GNG2: variants seen among roughly 807,000 people sequenced by gnomAD.
The protein encoded by GNG2 is G protein subunit gamma 2, also known as guanine nucleotide-binding protein G(I)/G(S)/G(O) subunit gamma-2.
In GNG2, 5 loss-of-function variants were observed where a neutral mutation model predicts 5.5. The ratio of observed to expected loss-of-function variants is 0.91; its 90% CI spans 0.48 to 1.92. GNG2 has a LOEUF of 1.92. Ranked by LOEUF, GNG2 falls within the 30% of genes most tolerant of loss-of-function variation. The probability of loss-of-function intolerance (pLI) is 0.01; values close to 1 mark genes in which losing one functional copy is unlikely to be tolerated. For missense variants in GNG2, 55 were observed against 88.4 expected (o/e 0.62, Z 1.52); for synonymous variants, 28 against 32.0 (o/e 0.88, Z 0.42).
intron 3 of GNG2, among the ~76,000 whole-genome samples, chr14:51,964,758 T>C (rs924278920): frequency 3.3e-5 from 5 of 152,150 alleles, no homozygotes; most frequent in Non-Finnish European, 7.3e-5. Flanking sequence ...ACACCTGTAA[T>C]CCCAGGACTC....
intron 3 of GNG2, among the ~76,000 whole-genome samples, chr14:51,958,689 C>T (rs1410200373): frequency 6.6e-6 from 1 of 152,158 alleles, no homozygotes; most frequent in Non-Finnish European, 1.5e-5. Context: ...CTTGCACATT[C>T]ATTCAGGTTC....
intron 2 of GNG2, among the ~76,000 whole-genome samples, chr14:51,930,238 C>T (rs995063076): frequency 6.6e-5 from 10 of 152,130 alleles, no homozygotes; most frequent in African/African-American, 2.4e-4. Context: ...TTGCTTTATT[C>T]CAGTGACAAA....
intron 2 of GNG2, among the ~76,000 whole-genome samples, chr14:51,928,864 C>T (rs1177437948): frequency 4.6e-5 from 7 of 152,030 alleles, no homozygotes; most frequent in Admixed American, 3.3e-4. Flanking sequence ...TGAGCCACCG[C>T]GCCTGGCCGG....
intron 2 of GNG2, among the ~76,000 whole-genome samples, chr14:51,886,513 C>T (rs1021734931): frequency 1.3e-5 from 2 of 152,134 alleles, no homozygotes; most frequent in Admixed American, 6.5e-5. Flanking sequence ...AATTGGCATC[C>T]TCAAACTGGT....
chr14:51,941,108 T>C (rs1888295526), intron 2 of GNG2, among the ~76,000 whole-genome samples: 1 of 152,110 alleles, frequency 6.6e-6, no homozygotes, highest in African/African-American at 2.4e-5. Flanking sequence ...GTATATATAA[T>C]ATCAATTTGA....
intron 1 of GNG2, among the ~76,000 whole-genome samples, chr14:51,863,665 C>T (rs1301822727): frequency 6.6e-6 from 1 of 152,090 alleles, no homozygotes; most frequent in Non-Finnish European, 1.5e-5. Context: ...AATTCTATAC[C>T]CATTAATCAA....
intron 3 of GNG2, among the ~76,000 whole-genome samples, chr14:51,954,029 C>A (rs946584565): frequency 5.9e-5 from 9 of 152,150 alleles, no homozygotes. Flanking sequence ...TTGAGGGTCC[C>A]TTAAGCAGGC....
intron 2 of GNG2, among the ~76,000 whole-genome samples, chr14:51,841,199 A>G (rs549805113): frequency 3.5e-4 from 54 of 152,316 alleles, no homozygotes; most frequent in African/African-American, 1.3e-3. Flanking sequence ...AAAAACAAGG[A>G]TAGCACCACA....
chr14:51,959,360 C>T (rs1227352491), intron 3 of GNG2, among the ~76,000 whole-genome samples: 1 of 152,144 alleles, frequency 6.6e-6, no homozygotes, highest in Non-Finnish European at 1.5e-5. Flanking sequence ...GTTGCCATAG[C>T]CCTACCCAGC....
intron 2 of GNG2, among the ~76,000 whole-genome samples, chr14:51,926,679 T>C (rs74051306): frequency 0.085 from 12,869 of 152,200 alleles, 890 homozygotes; most frequent in East Asian, 0.32. Flanking sequence ...CCTGGCCTCT[T>C]CCTTTTCCGG....
chr14:51,942,339 C>G (rs1183957501), intron 2 of GNG2, among the ~76,000 whole-genome samples: 1 of 151,966 alleles, frequency 6.6e-6, no homozygotes, highest in African/African-American at 2.4e-5. Flanking sequence ...CAGCACAATT[C>G]ATTGTTGACT....
At chr14:51,865,642 C>T (rs1882827157) in intron 1 of GNG2, among the ~76,000 whole-genome samples, 1 of 151,898 alleles carries the variant, frequency 6.6e-6, no homozygotes. Flanking sequence ...ATTTCACTTA[C>T]CTCATATTAG....
chr14:51,904,741 G>T (rs1320459852), intron 2 of GNG2, among the ~76,000 whole-genome samples: 1 of 152,178 alleles, frequency 6.6e-6, no homozygotes, highest in Admixed American at 6.5e-5. Flanking sequence ...AAAGGTGTTT[G>T]TGTCCACACC....
intron 2 of GNG2, among the ~76,000 whole-genome samples, chr14:51,936,395 A>G (rs1295775235): frequency 6.6e-6 from 1 of 152,186 alleles, no homozygotes; most frequent in Non-Finnish European, 1.5e-5. Context: ...AGGGTACGCT[A>G]GAAAAGGAAG....
chr14:51,939,175 A>G (rs944805333), intron 2 of GNG2, among the ~76,000 whole-genome samples: 1 of 152,126 alleles, frequency 6.6e-6, no homozygotes, highest in Non-Finnish European at 1.5e-5. Context: ...AACAAAGCCC[A>G]CCTAGCGTCT....
intron 2 of GNG2, among the ~76,000 whole-genome samples, chr14:51,838,502 A>T (rs1458955176): frequency 6.6e-6 from 1 of 152,128 alleles, no homozygotes; most frequent in African/African-American, 2.4e-5. Context: ...AATCAAGGAG[A>T]TCAAGAAATG....
intron 2 of GNG2, among the ~76,000 whole-genome samples, chr14:51,938,661 A>C (rs1215521815): frequency 6.6e-6 from 1 of 152,234 alleles, no homozygotes; most frequent in Non-Finnish European, 1.5e-5. Context: ...GTACCACTAG[A>C]AATATCCCCA....
chr14:51,880,923 T>C (rs947965262), intron 2 of GNG2, among the ~76,000 whole-genome samples: 1 of 135,816 alleles, frequency 7.4e-6, no homozygotes, highest in Admixed American at 8.3e-5. Flanking sequence ...TCTGTAGCCA[T>C]ATATGCATGT....
At chr14:51,874,110 T>C (rs1018637444) in intron 1 of GNG2, 1 of 152,216 alleles carries the variant, frequency 6.6e-6, no homozygotes, top group Non-Finnish European at 1.5e-5. Flanking sequence ...AATCTGTTTT[T>C]AAGACTGTTT....
Sources: gnomAD v4.1 joint callset for allele counts (sites outside exome capture counted in the v4.1 genomes callset) on GRCh38, gnomAD v4.1.1 for gene constraint, MANE v1.5 for transcripts, NCBI Gene and HGNC (gene_info 2026-07-23, HGNC 2026-07-21) for gene names.